FUT8: variants seen among roughly 807,000 people sequenced by gnomAD.
The protein encoded by FUT8 is alpha-(1,6)-fucosyltransferase.
Under a neutral mutation model 71.3 loss-of-function variants are expected in FUT8, and 29 were observed. The observed-to-expected ratio is 0.41, with a 90% CI of 0.30 to 0.55. The LOEUF is 0.55. Ranked by LOEUF, FUT8 falls within the 20% of genes least tolerant of loss-of-function variation. FUT8 has a pLI of 0.34. For synonymous variants in FUT8, 254 were observed against 239.3 expected, an observed-to-expected ratio of 1.06 and a Z score of -0.57; for missense variants, 544 against 702.1, an observed-to-expected ratio of 0.77 and a Z score of 2.55.
At chr14:65,473,407 G>A (rs1382819539) in intron 2 of FUT8, among the ~76,000 whole-genome samples, 1 of 152,026 alleles carries the variant, frequency 6.6e-6, no homozygotes, top group Non-Finnish European at 1.5e-5. Context: ...GACTAATTAA[G>A]TTTTATTGGA....
intron 1 of FUT8, among the ~76,000 whole-genome samples, chr14:65,432,893 C>A (rs1263576145): frequency 6.6e-6 from 1 of 152,046 alleles, no homozygotes; most frequent in East Asian, 1.9e-4. Context: ...ACCAACAGCC[C>A]CCGAGACTGC....
chr14:65,563,495 T>C (rs1886026398), intron 3 of FUT8, among the ~76,000 whole-genome samples: 1 of 152,028 alleles, frequency 6.6e-6, no homozygotes, highest in Non-Finnish European at 1.5e-5. Flanking sequence ...TCTGAATAAC[T>C]GTATTGCCTT....
the FUT8 span, among the ~76,000 whole-genome samples, chr14:65,404,772 G>A: frequency 6.6e-5 from 10 of 152,162 alleles, no homozygotes; most frequent in African/African-American, 1.9e-4. Context: ...TGCACCCGGC[G>A]CCGGCCTTGC....
At chr14:65,503,152 G>A (rs112139777) in intron 2 of FUT8, among the ~76,000 whole-genome samples, 14 of 152,292 alleles carry the variant, frequency 9.2e-5, no homozygotes, top group African/African-American at 3.4e-4. Context: ...TTCTGAATAG[G>A]TTAAATTTTC....
the FUT8 span, among the ~76,000 whole-genome samples, chr14:65,401,941 A>G: frequency 6.6e-6 from 1 of 150,540 alleles, no homozygotes; most frequent in Non-Finnish European, 1.5e-5. Flanking sequence ...TAGTGAGAGA[A>G]GAGCAGGAAA....
intron 8 of FUT8, 85 bp downstream of exon 8, chr14:65,722,106 A>G: frequency 6.7e-7 from 1 of 1,494,672 alleles, no homozygotes; most frequent in Non-Finnish European, 9.0e-7. Context: ...ATTTTACAAT[A>G]TGTAGTTCAA....
At chr14:65,552,630 G>C (rs1187963272) in intron 2 of FUT8, among the ~76,000 whole-genome samples, 1 of 152,190 alleles carries the variant, frequency 6.6e-6, no homozygotes, top group African/African-American at 2.4e-5. Context: ...GGAGACTGCA[G>C]CTCATTGTCA....
At chr14:65,444,632 G>A (rs760090957) in intron 1 of FUT8, among the ~76,000 whole-genome samples, 5 of 152,190 alleles carry the variant, frequency 3.3e-5, no homozygotes, top group African/African-American at 4.8e-5. Flanking sequence ...CTGTTGATAC[G>A]TGTGTTGTAG....
Position 65,616,049 on chromosome 14 carries a change from A to G in FUT8, c.275A>G (p.Lys92Arg), listed in dbSNP as rs773643916. 1 of 1,614,036 alleles carries G rather than the reference A, an allele frequency of 6.2e-7. No individual in the cohort carries two copies. Among genetic ancestry groups the G allele is most frequent in the South Asian group, 1.1e-5 (1 of 91,080 alleles). The change falls in exon 4 of 11, where the codon AAG becomes AGG. Residue 92 changes from lysine to arginine, a missense_variant. By Grantham distance (26) the Lys-to-Arg change is conservative. Transcript: ENST00000673929. The part of the protein sequence containing the change: ...RVRVLEEQLV[K>R]AKEQIENYKK... The stretch of plus-strand genomic sequence containing the variant: ...CGCGTTTTAGAAGAGCAGCTTGTTA[A>G]GGCCAAAGAACAGATTGAAAATTAC...
intron 7 of FUT8, among the ~76,000 whole-genome samples, chr14:65,682,196 A>C (rs1893068590): frequency 6.6e-6 from 1 of 152,196 alleles, no homozygotes; most frequent in African/African-American, 2.4e-5. Flanking sequence ...TGTTATTATA[A>C]AGATTTAAAC....
chr14:65,653,067 C>G (rs527379610), intron 6 of FUT8, among the ~76,000 whole-genome samples: 1 of 152,234 alleles, frequency 6.6e-6, no homozygotes, highest in African/African-American at 2.4e-5. Flanking sequence ...TTGATATAAC[C>G]TAGCCTCAGA....
In FUT8 at chr14:65,425,477, T is replaced by G. The variant is rs2065371415; in HGVS notation, c.-326+12263T>G. On this transcript the variant is annotated intron_variant, in intron 1 of 10. Transcript: ENST00000673929. ...GCCACCATGCCTGGCCGTTTTTTTT[T>G]TTTTTTTTTTTAAACATGAAATGTT... Among the ~76,000 whole-genome samples, 3 of 151,812 alleles carry G rather than the reference T, an allele frequency of 2.0e-5. No individual in the cohort carries two copies. In the South Asian group the frequency reaches 6.2e-4, roughly 32 times the overall value.
chr14:65,597,626 A>G (rs962114814), intron 3 of FUT8, among the ~76,000 whole-genome samples: 5 of 152,100 alleles, frequency 3.3e-5, no homozygotes, highest in Non-Finnish European at 5.9e-5. Flanking sequence ...CTGTCTAAAA[A>G]AAAAAAAAAC....
intron 7 of FUT8, among the ~76,000 whole-genome samples, chr14:65,683,876 T>C (rs1012762262): frequency 2.0e-5 from 3 of 151,964 alleles, no homozygotes; most frequent in African/African-American, 7.2e-5. Context: ...TTTCTGAATA[T>C]CATTAATATT....
chr14:65,658,481 G>A (rs1320956923), intron 6 of FUT8, among the ~76,000 whole-genome samples: 1 of 152,042 alleles, frequency 6.6e-6, no homozygotes, highest in African/African-American at 2.4e-5. Flanking sequence ...ACACTCATGT[G>A]CATAGCATCT....
chr14:65,580,198 G>T (rs893226473), intron 3 of FUT8, among the ~76,000 whole-genome samples: 6 of 151,092 alleles, frequency 4.0e-5, no homozygotes, highest in African/African-American at 1.5e-4. Context: ...GAGTGTAGTA[G>T]GCTAGTGTGT....
intron 7 of FUT8, among the ~76,000 whole-genome samples, chr14:65,680,434 C>A (rs1367668212): frequency 6.6e-6 from 1 of 152,140 alleles, no homozygotes; most frequent in East Asian, 1.9e-4. Flanking sequence ...TTTGTTCTAG[C>A]CTTATCTGTT....
rs967767414 is a variant in FUT8 at position 65,642,621 on chromosome 14, A to G, written c.597+13015A>G. Among the ~76,000 whole-genome samples the G allele has an allele frequency of 1.3e-3, 198 of 151,496 alleles. 1 individual carries two copies. Among genetic ancestry groups the G allele is most frequent in the African/African-American group, 4.8e-3 (195 of 40,930 alleles). ...CCGTCTCAAAAAAAAAAAAAAAAAA[A>G]AAATCAATTGACCATACATGTGTGT... On this transcript the variant is annotated intron_variant, in intron 6 of 10. Coordinates refer to ENST00000673929, the MANE Select transcript of FUT8 (RefSeq NM_001371533.1).
rs971849425 is a variant in FUT8, at chr14:65,483,956, G to A, written c.-228+28238G>A. 1.6e-4 allele frequency among the ~76,000 whole-genome samples: 24 copies of A among 152,132 alleles called. No homozygotes were observed. Among genetic ancestry groups the A allele is most frequent in the Non-Finnish European group, 1.5e-5 (1 of 68,022 alleles). ...TTGGCCAGGCTGGTCTCGAACTCCT[G>A]ACCTCAAGTATCTGCCCTCCTCGGC... On this transcript the variant is annotated intron_variant, in intron 2 of 10. Coordinates refer to ENST00000673929, the MANE Select transcript of FUT8 (RefSeq NM_001371533.1). This position sits in a 1 kb window ranked among gnomAD's most constrained non-coding sequence, Gnocchi z 4.4.
Sources: allele counts gnomAD v4.1 joint callset (sites outside exome capture counted in the v4.1 genomes callset), GRCh38; gene constraint gnomAD v4.1.1; non-coding constraint Gnocchi (gnomAD v3.1); transcripts MANE v1.5; gene names NCBI Gene and HGNC (gene_info 2026-07-23, HGNC 2026-07-21).